RNF4: variants seen among roughly 807,000 people sequenced by gnomAD.
RNF4 encodes E3 ubiquitin-protein ligase RNF4.
Under a neutral mutation model 24.3 loss-of-function variants are expected in RNF4, and 7 were observed. That is an observed-to-expected ratio of 0.29 (90% CI 0.16 to 0.54). The LOEUF (loss-of-function observed/expected upper bound fraction) is 0.54. RNF4 is among the 20% of genes least tolerant of loss of function. RNF4 has a pLI of 0.95. For synonymous variants in RNF4, 83 were observed against 84.3 expected (o/e 0.98, Z 0.09); for missense variants, 209 against 248.5 (o/e 0.84, Z 1.07).
intron 1 of RNF4, among the ~76,000 whole-genome samples, chr4:2,487,143 G>T (rs890797761): frequency 1.3e-5 from 2 of 152,198 alleles, no homozygotes; most frequent in East Asian, 1.9e-4. Context: ...AGAAGCATTT[G>T]TGCTCCGGGC....
At chr4:2,513,324 C>T (rs980338739) in intron 7 of RNF4, among the ~76,000 whole-genome samples, 193 bp downstream of exon 7, 1 of 152,224 alleles carries the variant, frequency 6.6e-6, no homozygotes. Flanking sequence ...CAACTTTCAC[C>T]TTCAGCCCCT....
rs551792182 is a variant in RNF4 at position 2,491,527 on chromosome 4, C to T, written c.9+1025C>T. ...GTACCATCTCGGCTTGCTGCAACCT[C>T]CGCCTCCCAGGTTCAAGCGACTCTC... is the stretch of plus-strand genomic sequence containing the variant. On this transcript the variant is annotated intron_variant, in intron 2 of 7. Coordinates refer to ENST00000314289, the MANE Select transcript of RNF4 (RefSeq NM_002938.5). Among the ~76,000 whole-genome samples, 13 of 152,258 alleles carry T rather than the reference C, an allele frequency of 8.5e-5. No homozygotes were observed. In the South Asian group the frequency reaches 2.5e-3, roughly 29 times the overall value.
intron 1 of RNF4, among the ~76,000 whole-genome samples, chr4:2,474,103 A>G (rs1734995642): frequency 6.6e-6 from 1 of 151,642 alleles, no homozygotes; most frequent in African/African-American, 2.4e-5. Flanking sequence ...GGGCCAGGCA[A>G]GGTGGCTCAC....
Position 2,497,077 on chromosome 4 carries a change from C to A in RNF4, c.80C>A (p.Pro27His). 6.2e-7 allele frequency: 1 copy of A among 1,609,878 alleles called. No homozygotes were observed. The highest frequency in any genetic ancestry group is 8.5e-7 in the Non-Finnish European group (1 of 1,178,150). The change falls in exon 3 of 8, where the codon CCC becomes CAC. Residue 27 changes from proline to histidine, a missense_variant. By Grantham distance (77) the Pro-to-His change is moderately conservative. This residue lies in a region of RNF4 where 182 missense variants were observed against 197.2 expected (regional missense o/e 0.92). Transcript: ENST00000314289. Reference sequence around the variant, plus strand: ...CGAACTCGGGAAGCAACCTCCACCCCCGAGATCTCCTTGGAAGCAGAACCC... The same window carrying A: ...CGAACTCGGGAAGCAACCTCCACCCACGAGATCTCCTTGGAAGCAGAACCC... ...QKRTREATST[P>H]EISLEAEPIE...
At chr4:2,492,851 A>C (rs1735621580) in intron 2 of RNF4, among the ~76,000 whole-genome samples, 1 of 152,218 alleles carries the variant, frequency 6.6e-6, no homozygotes, top group Non-Finnish European at 1.5e-5. Flanking sequence ...TTTAAGCCTT[A>C]ACCCATCTCT....
intron 1 of RNF4, among the ~76,000 whole-genome samples, chr4:2,472,924 C>T (rs1186390679): frequency 1.3e-5 from 2 of 151,932 alleles, no homozygotes; most frequent in African/African-American, 4.8e-5. Flanking sequence ...CCTGTAGTCC[C>T]AGCTACTCGG....
At chr4:2,513,603 T>G in intron 7 of RNF4, 67 bp from the exon 8 acceptor site, 1 of 1,591,376 alleles carries the variant, frequency 6.3e-7, no homozygotes, top group Non-Finnish European at 8.6e-7. Flanking sequence ...TGGGTGGGAT[T>G]CTCTGGCCCC....
At chr4:2,470,624 A>G (rs1201403221) in intron 1 of RNF4, among the ~76,000 whole-genome samples, 1 of 152,160 alleles carries the variant, frequency 6.6e-6, no homozygotes, top group Admixed American at 6.5e-5. Context: ...CTTTTTATAT[A>G]ATGTATGCAC....
At chr4:2,508,277 A>G (rs1466042887) in intron 4 of RNF4, among the ~76,000 whole-genome samples, 1 of 152,172 alleles carries the variant, frequency 6.6e-6, no homozygotes, top group African/African-American at 2.4e-5. Flanking sequence ...TCTCAAATAG[A>G]TTAGAGGCCC....
intron 4 of RNF4, among the ~76,000 whole-genome samples, 172 bp downstream of exon 4, chr4:2,500,910 T>C (rs1203863): frequency 0.2 from 30,177 of 152,176 alleles, 3,329 homozygotes; most frequent in East Asian, 0.39. Context: ...GTAACAATAA[T>C]AATAACAAAG....
intron 1 of RNF4, among the ~76,000 whole-genome samples, chr4:2,470,676 C>T (rs1734875276): frequency 6.6e-6 from 1 of 152,328 alleles, no homozygotes; most frequent in South Asian, 2.1e-4. Context: ...TTTTCACTCT[C>T]CTCAAGATCA....
chr4:2,509,930 A>G (rs1254495127), intron 4 of RNF4, among the ~76,000 whole-genome samples: 2 of 152,156 alleles, frequency 1.3e-5, no homozygotes, highest in African/African-American at 4.8e-5. Context: ...AGCTAAACCC[A>G]AGGCTTTCCC....
rs550461544 is a variant in RNF4, at chr4:2,477,615, G to A, written c.-158+8357G>A. ...CAAAAGAGATCTGATGCTTTTATAA[G>A]GGGGAGTTTCCCTACACAAGCTCTC... On this transcript the variant is annotated intron_variant, in intron 1 of 7. Coordinates refer to ENST00000314289, the MANE Select transcript of RNF4 (RefSeq NM_002938.5). Among the ~76,000 whole-genome samples the A allele has an allele frequency of 3.3e-5, 5 of 152,062 alleles. No individual in the cohort carries two copies. The East Asian group carries it at 7.8e-4, about 24-fold the overall frequency.
intron 2 of RNF4, 79 bp downstream of exon 2, chr4:2,490,581 G>T: frequency 6.9e-7 from 1 of 1,457,694 alleles, no homozygotes; most frequent in Admixed American, 1.9e-5. Context: ...ATTAGTGAAA[G>T]TGAGTTCCAT....
intron 3 of RNF4, among the ~76,000 whole-genome samples, chr4:2,497,713 C>T (rs1437475939): frequency 6.6e-6 from 1 of 152,204 alleles, no homozygotes; most frequent in Non-Finnish European, 1.5e-5. Flanking sequence ...CGGCTCACTG[C>T]AAGCTCCACA....
Position 2,490,419 on chromosome 4 carries a change from A to C in RNF4, c.-75A>C, listed in dbSNP as rs1578509823. On this transcript the variant is annotated 5_prime_UTR_variant, in exon 2 of 8. Coordinates refer to ENST00000314289, the MANE Select transcript of RNF4 (RefSeq NM_002938.5). ...AACCAGAGGGCATGAAAGGTTGAGA[A>C]CATTTGACTTCCCTGCAAACCTTGG... The C allele has an allele frequency of 1.0e-5, 15 of 1,498,782 alleles. No homozygotes were observed. 92.8% of individuals were successfully genotyped at this position (1,498,782 alleles called of 1,614,324 possible).
At chr4:2,496,341 A>G (rs981415715) in intron 2 of RNF4, among the ~76,000 whole-genome samples, 35 of 152,220 alleles carry the variant, frequency 2.3e-4, no homozygotes, top group Non-Finnish European at 4.7e-4. Context: ...AGGAAGAGAA[A>G]TTGATAACTT....
At chr4:2,495,609 A>G (rs1416538031) in intron 2 of RNF4, among the ~76,000 whole-genome samples, 1 of 139,898 alleles carries the variant, frequency 7.1e-6, no homozygotes, top group Non-Finnish European at 1.5e-5. Flanking sequence ...ATACAAGGTG[A>G]CAGGCTCTGT....
At chr4:2,509,691 C>A (rs1242993537) in intron 4 of RNF4, among the ~76,000 whole-genome samples, 1 of 152,154 alleles carries the variant, frequency 6.6e-6, no homozygotes, top group Non-Finnish European at 1.5e-5. Context: ...GGGCTCAGTG[C>A]TCAGGACAGG....
Sources: allele counts gnomAD v4.1 joint callset (sites outside exome capture counted in the v4.1 genomes callset), GRCh38; gene constraint gnomAD v4.1.1; regional missense constraint gnomAD v4.1.1; transcripts MANE v1.5; gene names NCBI Gene and HGNC (gene_info 2026-07-23, HGNC 2026-07-21).